The following CTNNA3 variants were observed in gnomAD, a reference collection of about 807,000 sequenced individuals.
CTNNA3 encodes catenin alpha 3.
CTNNA3 carries 76 observed loss-of-function variants against 95.7 expected under a neutral mutation model. The ratio of observed to expected loss-of-function variants is 0.79; its 90% CI spans 0.66 to 0.96. The LOEUF is 0.96. Ranked by LOEUF, CTNNA3 falls within the 40% of genes least tolerant of loss-of-function variation. CTNNA3 has a pLI of 0.00. For missense variants in CTNNA3, 1,191 were observed against 1,089.8 expected (o/e 1.09, Z -1.31); for synonymous variants, 431 against 374.4 (o/e 1.15, Z -1.74).
chr10:67,268,348 TTAAATTAAA>T (rs1307506850), intron 5 of CTNNA3, among the ~76,000 whole-genome samples: 2 of 150,474 alleles, frequency 1.3e-5, no homozygotes, highest in Admixed American at 6.6e-5. Flanking sequence ...TTAAATTAAA[TTAAATTAAA>T]TAAATAAATA....
At chr10:66,989,676 A>G (rs928032510) in intron 7 of CTNNA3, among the ~76,000 whole-genome samples, 2 of 152,220 alleles carry the variant, frequency 1.3e-5, no homozygotes, top group African/African-American at 4.8e-5. Flanking sequence ...CAGTCTTTAC[A>G]TAATAAGACT....
intron 13 of CTNNA3, among the ~76,000 whole-genome samples, chr10:66,267,471 T>C (rs1257038784): frequency 6.6e-6 from 1 of 152,188 alleles, no homozygotes; most frequent in African/African-American, 2.4e-5. Flanking sequence ...CATGATTCCA[T>C]GTGCTTCCAT....
chr10:67,090,567 T>C (rs1857571306), intron 7 of CTNNA3, among the ~76,000 whole-genome samples: 1 of 152,050 alleles, frequency 6.6e-6, no homozygotes. Flanking sequence ...ACTAGACGAG[T>C]GATTTTATAC....
chr10:65,992,244 G>C (rs1360059611), intron 15 of CTNNA3, among the ~76,000 whole-genome samples: 2 of 151,972 alleles, frequency 1.3e-5, no homozygotes, highest in African/African-American at 4.8e-5. Flanking sequence ...TTTGGTATGA[G>C]GGTAATACTG....
intron 7 of CTNNA3, among the ~76,000 whole-genome samples, chr10:66,963,845 A>T (rs1389983016): frequency 1.4e-5 from 2 of 143,954 alleles, no homozygotes; most frequent in African/African-American, 2.6e-5. Context: ...ATAGACATCA[A>T]TTTTTTTTTT....
intron 3 of CTNNA3, among the ~76,000 whole-genome samples, chr10:67,581,416 A>C (rs1589451078): frequency 6.6e-6 from 1 of 152,220 alleles, no homozygotes; most frequent in Non-Finnish European, 1.5e-5. Flanking sequence ...AGCCAACTTC[A>C]TCACGGTGGA....
intron 1 of CTNNA3, among the ~76,000 whole-genome samples, chr10:67,690,807 C>G (rs916557768): frequency 6.6e-6 from 1 of 152,152 alleles, no homozygotes; most frequent in Non-Finnish European, 1.5e-5. Flanking sequence ...GAGCTTGTAC[C>G]AGAATGTAAG....
Position 67,231,456 on chromosome 10 carries a change from C to A in CTNNA3, c.580-11586G>T, listed in dbSNP as rs569431516. On this transcript the variant is annotated intron_variant, in intron 5 of 17. Coordinates refer to ENST00000433211, the MANE Select transcript of CTNNA3 (RefSeq NM_013266.4). Reference sequence around the variant, plus strand: ...GCCGGGTACTCCAACAGACCTGCAGCTGAGGGTCCTGTCTGTTAGAAGGAA... The same window carrying A: ...GCCGGGTACTCCAACAGACCTGCAGATGAGGGTCCTGTCTGTTAGAAGGAA... Among the ~76,000 whole-genome samples the A allele has an allele frequency of 1.2e-4, 19 of 152,270 alleles. 1 individual carries two copies. In the South Asian group the frequency reaches 3.7e-3, roughly 30 times the overall value.
intron 17 of CTNNA3, among the ~76,000 whole-genome samples, chr10:65,939,566 A>G (rs1287086951): frequency 2.0e-5 from 3 of 152,088 alleles, no homozygotes; most frequent in Non-Finnish European, 4.4e-5. Context: ...TCCTATATTA[A>G]TATTTTCTCC....
intron 13 of CTNNA3, among the ~76,000 whole-genome samples, chr10:66,107,003 A>G (rs1210560961): frequency 6.6e-6 from 1 of 152,190 alleles, no homozygotes; most frequent in Non-Finnish European, 1.5e-5. Context: ...TCCTTCTAAA[A>G]TCCATGTAAG....
At chr10:66,924,530 G>T (rs568854793) in intron 7 of CTNNA3, among the ~76,000 whole-genome samples, 2 of 152,152 alleles carry the variant, frequency 1.3e-5, no homozygotes, top group African/African-American at 4.8e-5. Flanking sequence ...TAAAGATAAA[G>T]TTCAGATGAT....
intron 10 of CTNNA3, among the ~76,000 whole-genome samples, chr10:66,575,964 G>T (rs1010067437): frequency 4.6e-5 from 7 of 152,022 alleles, no homozygotes; most frequent in African/African-American, 1.7e-4. Flanking sequence ...TGTGTGTTTG[G>T]CTGTTAAGTA....
chr10:66,853,073 C>T (rs1843554002), intron 7 of CTNNA3, among the ~76,000 whole-genome samples: 1 of 147,130 alleles, frequency 6.8e-6, no homozygotes, highest in Admixed American at 6.8e-5. Flanking sequence ...GAAATGGTTT[C>T]ACATTTTTAA....
chr10:67,229,290 G>C (rs543108523), intron 5 of CTNNA3, among the ~76,000 whole-genome samples: 25 of 152,028 alleles, frequency 1.6e-4, no homozygotes, highest in Non-Finnish European at 3.4e-4. Flanking sequence ...TAAAATATCA[G>C]GAAAATCGGC....
chr10:66,976,763 G>A (rs989190719), intron 7 of CTNNA3, among the ~76,000 whole-genome samples: 12 of 152,174 alleles, frequency 7.9e-5, no homozygotes, highest in African/African-American at 2.9e-4. Context: ...ATTTCATCTA[G>A]AGTAAGTCTT....
intron 9 of CTNNA3, among the ~76,000 whole-genome samples, chr10:66,757,305 G>T (rs1050631501): frequency 2.0e-5 from 3 of 152,094 alleles, no homozygotes; most frequent in African/African-American, 7.2e-5. Context: ...AGATTAGGAA[G>T]AATATTCATA....
chr10:66,409,504 A>ATT (rs2093085042), intron 11 of CTNNA3, among the ~76,000 whole-genome samples: 1 of 152,218 alleles, frequency 6.6e-6, no homozygotes, highest in Non-Finnish European at 1.5e-5. Context: ...TATAATCATA[A>ATT]TAAAATAAAT....
At chr10:66,728,982 C>A (rs1848865931) in intron 9 of CTNNA3, among the ~76,000 whole-genome samples, 2 of 152,180 alleles carry the variant, frequency 1.3e-5, no homozygotes, top group Non-Finnish European at 2.9e-5. Context: ...AGCCAGCACT[C>A]TCAGCATGAT....
chr10:66,332,153 A>G (rs1589100976), intron 12 of CTNNA3, among the ~76,000 whole-genome samples: 1 of 151,938 alleles, frequency 6.6e-6, no homozygotes, highest in Non-Finnish European at 1.5e-5. Flanking sequence ...GGGCTGAGAC[A>G]ATGGGGTTTT....
Sources: allele counts gnomAD v4.1 joint callset (sites outside exome capture counted in the v4.1 genomes callset), GRCh38; gene constraint gnomAD v4.1.1; transcripts MANE v1.5; gene names NCBI Gene and HGNC (gene_info 2026-07-23, HGNC 2026-07-21).